The following KIF26B variants were observed in gnomAD, a reference collection of about 807,000 sequenced individuals.
The protein encoded by KIF26B is kinesin family member 26B.
In KIF26B, 63 loss-of-function variants were observed where a neutral mutation model predicts 151.2. That is an observed-to-expected ratio of 0.42 (90% CI 0.34 to 0.51). The LOEUF is 0.51. KIF26B is among the 20% of genes least tolerant of loss of function. The pLI, the probability that KIF26B is intolerant of heterozygous loss-of-function variation, is 0.07. For synonymous variants in KIF26B, 1,357 were observed against 1,262.1 expected, an observed-to-expected ratio of 1.08 and a Z score of -1.59; for missense variants, 2,813 against 2,913.6, an observed-to-expected ratio of 0.97 and a Z score of 0.79.
chr1:245,281,950 T>C (rs972719312), intron 2 of KIF26B, among the ~76,000 whole-genome samples: 9 of 151,958 alleles, frequency 5.9e-5, no homozygotes, highest in Non-Finnish European at 1.3e-4. Flanking sequence ...CTCTGTTCTG[T>C]TCCATTGATC....
intron 4 of KIF26B, among the ~76,000 whole-genome samples, chr1:245,520,817 G>A (rs1051123469): frequency 3.3e-5 from 5 of 152,110 alleles, no homozygotes; most frequent in South Asian, 2.1e-4. Context: ...TGATCAGCCC[G>A]GACCACATGC....
At chr1:245,221,645 G>A (rs1195127468) in intron 2 of KIF26B, among the ~76,000 whole-genome samples, 2 of 152,180 alleles carry the variant, frequency 1.3e-5, no homozygotes, top group African/African-American at 4.8e-5. Context: ...GACATCAGGT[G>A]GTCAGCTTGC....
chr1:245,375,614 A>G lies in KIF26B; in HGVS notation c.999+8247A>G, dbSNP rs542431813. Among the ~76,000 whole-genome samples the G allele has an allele frequency of 1.1e-4, 17 of 152,252 alleles. No individual in the cohort carries two copies. In the East Asian group the frequency reaches 3.3e-3, roughly 29 times the overall value. ...CAGAAGAAGCCAGCCCTGCAGGGCCATTTTTGAGTTCTGGTCTCCAGAACT... is the reference window on the plus strand; with the variant it reads ...CAGAAGAAGCCAGCCCTGCAGGGCCGTTTTTGAGTTCTGGTCTCCAGAACT... On this transcript the variant is annotated intron_variant, in intron 3 of 14. Transcript: ENST00000407071. The surrounding 1 kb of genome is among the most constrained non-coding windows in gnomAD (Gnocchi z 4.2).
At chr1:245,188,882 G>C (rs1361542675) in intron 2 of KIF26B, among the ~76,000 whole-genome samples, 1 of 152,186 alleles carries the variant, frequency 6.6e-6, no homozygotes, top group Non-Finnish European at 1.5e-5. Context: ...CAGAAAAGGA[G>C]TGAAATTCTG....
chr1:245,436,294 C>T (rs545990302), intron 4 of KIF26B, among the ~76,000 whole-genome samples: 6 of 152,260 alleles, frequency 3.9e-5, no homozygotes, highest in Admixed American at 1.3e-4. Flanking sequence ...TCTTTGCAGT[C>T]TCCTACCTCT....
At chr1:245,185,817 T>C (rs10802193) in intron 2 of KIF26B, among the ~76,000 whole-genome samples, 114,773 of 151,958 alleles carry the variant, frequency 0.76, 44,270 homozygotes, top group East Asian at 0.9. Context: ...CTAGTGATGC[T>C]GGCTACAACC....
At chr1:245,432,269 C>T (rs1483893701) in intron 4 of KIF26B, among the ~76,000 whole-genome samples, 1 of 152,138 alleles carries the variant, frequency 6.6e-6, no homozygotes, top group Non-Finnish European at 1.5e-5. Context: ...CAGTTCAAAC[C>T]ACATGCTCAG....
intron 2 of KIF26B, among the ~76,000 whole-genome samples, chr1:245,270,155 C>T (rs1670824971): frequency 1.3e-5 from 2 of 151,200 alleles, no homozygotes; most frequent in African/African-American, 4.9e-5. Context: ...CTTCCTTCTT[C>T]CTTTCTCTTC....
chr1:245,486,881 G>C (rs527723590), intron 4 of KIF26B, among the ~76,000 whole-genome samples: 1 of 152,294 alleles, frequency 6.6e-6, no homozygotes, highest in Admixed American at 6.5e-5. Context: ...GTGTTGCCCA[G>C]GCTGTGGTTC....
At chr1:245,666,641 A>AG (rs1338125470) in intron 10 of KIF26B, among the ~76,000 whole-genome samples, 1 of 152,148 alleles carries the variant, frequency 6.6e-6, no homozygotes, top group African/African-American at 2.4e-5. Context: ...AAAGGCTAAC[A>AG]CATAGGCGGC....
intron 3 of KIF26B, among the ~76,000 whole-genome samples, chr1:245,404,128 A>G (rs756157604): frequency 1.2e-4 from 18 of 152,108 alleles, no homozygotes; most frequent in Non-Finnish European, 1.8e-4. Flanking sequence ...AAGAGGACAG[A>G]CTGAGCTGAG....
In KIF26B at chr1:245,529,556, T is replaced by C. The variant is rs1661314529; in HGVS notation, c.1167-11211T>C. 2.0e-5 allele frequency among the ~76,000 whole-genome samples: 3 copies of C among 152,218 alleles called. No individual in the cohort carries two copies. In the South Asian group the frequency reaches 6.2e-4, roughly 32 times the overall value. ...ACTTCTGTTTAGCCTTCCATGCCAA[T>C]GACTATTTTTTTAATTAAATATTTT... On this transcript the variant is annotated intron_variant, in intron 4 of 14. Transcript: ENST00000407071.
chr1:245,464,099 G>A (rs1422453160), intron 4 of KIF26B, among the ~76,000 whole-genome samples: 2 of 152,240 alleles, frequency 1.3e-5, no homozygotes, highest in African/African-American at 4.8e-5. Context: ...CAGTTCCTGT[G>A]TTTCTGAGAG....
intron 10 of KIF26B, among the ~76,000 whole-genome samples, chr1:245,668,478 C>A (rs2044242716): frequency 6.6e-6 from 1 of 152,128 alleles, no homozygotes. Context: ...TTTGTAGATT[C>A]TCCCTTAAGT....
At chr1:245,568,067 G>A (rs1055318258) in intron 5 of KIF26B, among the ~76,000 whole-genome samples, 5 of 151,762 alleles carry the variant, frequency 3.3e-5, no homozygotes, top group Non-Finnish European at 7.4e-5. Context: ...TACTCAGGAG[G>A]CTGAGGCAGG....
At chr1:245,647,221 T>C (rs973756263) in intron 10 of KIF26B, among the ~76,000 whole-genome samples, 18 of 151,954 alleles carry the variant, frequency 1.2e-4, no homozygotes, top group East Asian at 1.9e-4. Flanking sequence ...GTCAGGAGAT[T>C]GAGACCATCC....
chr1:245,659,041 G>A (rs139589531), intron 10 of KIF26B, among the ~76,000 whole-genome samples: 52 of 152,068 alleles, frequency 3.4e-4, no homozygotes, highest in African/African-American at 4.8e-4. Context: ...ACCAGCCTGG[G>A]CAACATAGTG....
At chr1:245,262,430 A>G (rs1198859952) in intron 2 of KIF26B, among the ~76,000 whole-genome samples, 1 of 151,800 alleles carries the variant, frequency 6.6e-6, no homozygotes, top group Non-Finnish European at 1.5e-5. Flanking sequence ...TGAGGGAATG[A>G]GTTCTTTTTT....
chr1:245,237,973 C>T (rs1670145089), intron 2 of KIF26B, among the ~76,000 whole-genome samples: 2 of 151,724 alleles, frequency 1.3e-5, no homozygotes, highest in Admixed American at 1.3e-4. Context: ...CTGTGGTGAG[C>T]CATGATTGCA....
Sources: gnomAD v4.1 joint callset for allele counts (sites outside exome capture counted in the v4.1 genomes callset) on GRCh38, gnomAD v4.1.1 for gene constraint, Gnocchi (gnomAD v3.1) non-coding constraint, MANE v1.5 for transcripts, NCBI Gene and HGNC (gene_info 2026-07-23, HGNC 2026-07-21) for gene names.